Variants in MLH3 observed in about 807,000 individuals in gnomAD.
MLH3 encodes mutL homolog 3.
In MLH3, 82 loss-of-function variants were observed where a neutral mutation model predicts 122.2. The observed-to-expected ratio is 0.67, with a 90% CI of 0.56 to 0.81. The LOEUF (loss-of-function observed/expected upper bound fraction) is 0.81, where lower values mean the gene tolerates loss of function less well. Ranked by LOEUF, MLH3 falls within the 30% of genes least tolerant of loss-of-function variation. The probability of loss-of-function intolerance (pLI) is 0.00; values close to 1 mark genes in which losing one functional copy is unlikely to be tolerated. For missense variants in MLH3, 1,539 were observed against 1,714.5 expected (o/e 0.90, Z 1.81); for synonymous variants, 524 against 599.5 (o/e 0.87, Z 1.84).
At chr14:75,046,179 CA>C (rs138141680) in intron 2 of MLH3, among the ~76,000 whole-genome samples, 196 bp downstream of exon 2, 2,396 of 53,788 alleles carry the variant, frequency 0.045, 19 homozygotes, top group African/African-American at 0.08. Flanking sequence ...GACTCCGTCT[CA>C]AAAAAAAAAA....
intron 9 of MLH3, among the ~76,000 whole-genome samples, chr14:75,024,633 A>T (rs899045278): frequency 6.6e-6 from 1 of 152,232 alleles, no homozygotes; most frequent in Non-Finnish European, 1.5e-5. Flanking sequence ...TTATAGAAGG[A>T]TGTATTAATG....
In MLH3 at chr14:75,048,923, A is replaced by G; in HGVS notation, c.733T>C (p.Tyr245His). 1 of 1,613,400 alleles carries G rather than the reference A, an allele frequency of 6.2e-7. No individual in the cohort carries two copies. Reference protein sequence around the residue: ...LSGYISSEAHYNKNMQFLFVN... With the variant: ...LSGYISSEAHHNKNMQFLFVN... ...AACAAAAACTGCATATTCTTGTTGTAATGTGCTTCAGAGCTGATATAGCCA... is the reference window on the plus strand; with the variant it reads ...AACAAAAACTGCATATTCTTGTTGTGATGTGCTTCAGAGCTGATATAGCCA... The change falls in exon 2 of 13, where the codon TAC (tyrosine) becomes CAC (histidine). Residue 245 changes from tyrosine to histidine, a missense_variant. Coordinates refer to ENST00000355774, the MANE Select transcript of MLH3 (RefSeq NM_001040108.2).
rs28756984 is a variant in MLH3 at position 75,047,857 on chromosome 14, C to T, written c.1799G>A (p.Arg600Gln). ...AAAGCCAGTGGAACATAATTTAACT[C>T]GCCCATAACTAAAAACATTTCTTCT... ...CGRRNVFSYGRVKLCSTGFIT... is the reference protein window; with the variant it reads ...CGRRNVFSYGQVKLCSTGFIT... Residue 600 changes from arginine to glutamine, a missense_variant, in exon 2 of 13, where the codon CGA (arginine) becomes CAA (glutamine). Transcript: ENST00000355774. The T allele has an allele frequency of 2.8e-4, 457 of 1,612,758 alleles. 1 individual carries two copies. In the African/African-American group the frequency reaches 5.3e-3, roughly 19 times the overall value.
rs1196955965 is a variant in MLH3 at position 75,014,773 on chromosome 14, C to G, written c.*2309G>C. On this transcript the variant is annotated 3_prime_UTR_variant, in exon 13 of 13. Transcript: ENST00000355774. ...CCAGAATCTAATAAAGGTGAATCACCAAGTTTATAAATGAATGAATTCCTA... is the reference window on the plus strand; with the variant it reads ...CCAGAATCTAATAAAGGTGAATCACGAAGTTTATAAATGAATGAATTCCTA... The G allele has an allele frequency of 1.0e-5, 2 of 190,628 alleles. No homozygotes were observed. The highest frequency in any genetic ancestry group is 1.7e-4 in the East Asian group (2 of 12,046). 11.8% of individuals were successfully genotyped at this position (190,628 alleles called of 1,614,324 possible).
At chr14:75,024,377 C>A (rs972020309) in intron 9 of MLH3, among the ~76,000 whole-genome samples, 12 of 152,132 alleles carry the variant, frequency 7.9e-5, no homozygotes. Context: ...AATTTTGTAT[C>A]TTTAGTAGAG....
At chr14:75,051,118 G>A (rs1330363713) in intron 1 of MLH3, 1 of 152,294 alleles carries the variant, frequency 6.6e-6, no homozygotes, top group Non-Finnish European at 1.5e-5. Context: ...GGGACGCACG[G>A]GCCTGGATCC....
chr14:75,024,626 T>C (rs1025979042), intron 9 of MLH3, among the ~76,000 whole-genome samples: 6 of 152,220 alleles, frequency 3.9e-5, no homozygotes, highest in African/African-American at 7.2e-5. Context: ...TAGAGCTTTA[T>C]AGAAGGATGT....
intron 5 of MLH3, among the ~76,000 whole-genome samples, chr14:75,039,220 T>C (rs867808559): frequency 5.3e-5 from 8 of 152,174 alleles, no homozygotes; most frequent in African/African-American, 1.9e-4. Context: ...GGTTCCTCTC[T>C]GTCTAGGTAC....
rs144875666 is a variant in MLH3, at chr14:75,038,382, C to T, written c.3601G>A (p.Ala1201Thr). ...TCAGTCTTAGTGCTCATCAAACAGGCAATAAACTTGTTATCTACTTGCTGG... is the reference window on the plus strand; with the variant it reads ...TCAGTCTTAGTGCTCATCAAACAGGTAATAAACTTGTTATCTACTTGCTGG... ...VLQQVDNKFI[A>T]CLMSTKTEEN... Residue 1201 changes from alanine (A) to threonine (T), a missense_variant, in exon 6 of 13, where the codon GCC becomes ACC. Physicochemically the swap from Ala to Thr is moderately conservative, Grantham distance 58. Coordinates refer to ENST00000355774, the MANE Select transcript of MLH3 (RefSeq NM_001040108.2). 22 of 1,613,768 alleles carry T rather than the reference C, an allele frequency of 1.4e-5. No homozygotes were observed. Among genetic ancestry groups the T allele is most frequent in the Non-Finnish European group, 1.9e-5 (22 of 1,179,760 alleles).
At chr14:75,026,016 C>T (rs1175522280) in intron 9 of MLH3, among the ~76,000 whole-genome samples, 1 of 152,196 alleles carries the variant, frequency 6.6e-6, no homozygotes, top group African/African-American at 2.4e-5. Flanking sequence ...TCTCTACTCC[C>T]TCTGCTACTG....
chr14:75,047,634 A>AT lies in MLH3; in HGVS notation c.2021dup (p.Asn674LysfsTer13), dbSNP rs767782578. 13 of 1,613,412 alleles carry AT rather than the reference A, an allele frequency of 8.1e-6. No individual in the cohort carries two copies. Among genetic ancestry groups the AT allele is most frequent in the African/African-American group, 5.3e-5 (4 of 74,806 alleles). On this transcript the variant is annotated frameshift_variant, in exon 2 of 13. Coordinates refer to ENST00000355774, the MANE Select transcript of MLH3 (RefSeq NM_001040108.2). LOFTEE classifies it high-confidence loss of function. ...GCCCATAACTTATATTCGTTCTGCAATTTTTTTTGTTGGGCAATTGACCAG... is the reference window on the plus strand; with the variant it reads ...GCCCATAACTTATATTCGTTCTGCAATTTTTTTTTGTTGGGCAATTGACCAG...
In MLH3 at chr14:75,032,050, T is replaced by A; in HGVS notation, c.3827+18A>T. 3 of 1,369,844 alleles carry A rather than the reference T, an allele frequency of 2.2e-6. No individual in the cohort carries two copies. Among genetic ancestry groups the A allele is most frequent in the Non-Finnish European group, 3.1e-6 (3 of 956,952 alleles). The allele number at this position is 1,369,844 out of a possible 1,614,324, so 84.9% of individuals were successfully genotyped here. On this transcript the variant is annotated intron_variant, in intron 8 of 12. Coordinates refer to ENST00000355774, the MANE Select transcript of MLH3 (RefSeq NM_001040108.2). ...AGAATTGATACCATCAACATCACAT[T>A]CTCATGGTGGTACTGACCATAAGAG...
intron 2 of MLH3, among the ~76,000 whole-genome samples, chr14:75,043,650 T>C (rs1464919785): frequency 3.9e-5 from 6 of 152,164 alleles, no homozygotes; most frequent in Non-Finnish European, 2.9e-5. Flanking sequence ...AGGTTAAGAA[T>C]GATAAAATTA....
chr14:75,025,382 C>T (rs1165370579), intron 9 of MLH3, among the ~76,000 whole-genome samples: 2 of 152,240 alleles, frequency 1.3e-5, no homozygotes, highest in African/African-American at 2.4e-5. Flanking sequence ...GCGTTTCAGG[C>T]TCTACTTCAT....
At chr14:75,033,240 A>C (rs1891170054) in intron 7 of MLH3, among the ~76,000 whole-genome samples, 179 bp downstream of exon 7, 1 of 152,228 alleles carries the variant, frequency 6.6e-6, no homozygotes, top group Non-Finnish European at 1.5e-5. Flanking sequence ...TCTTTCAATT[A>C]GTGAACTACC....
At chr14:75,030,376 TCTTC>T (rs2139382795) in intron 9 of MLH3, among the ~76,000 whole-genome samples, 163 bp downstream of exon 9, 1 of 152,322 alleles carries the variant, frequency 6.6e-6, no homozygotes, top group East Asian at 1.9e-4. Context: ...TAAATGCCCT[TCTTC>T]CTTATTTTGA....
rs969308140 is a variant in MLH3 at position 75,016,281 on chromosome 14, T to C, written c.*801A>G. 27 of 201,578 alleles carry C rather than the reference T, an allele frequency of 1.3e-4. No individual in the cohort carries two copies. The Admixed American group carries it at 1.5e-3, about 11-fold the overall frequency. 12.5% of individuals were successfully genotyped at this position (201,578 alleles called of 1,614,324 possible). A position where few individuals can be genotyped will look rare whatever the true frequency, so the allele number is the denominator to read the frequency against. On this transcript the variant is annotated 3_prime_UTR_variant, in exon 13 of 13. Coordinates refer to ENST00000355774, the MANE Select transcript of MLH3 (RefSeq NM_001040108.2). ...GGTTGAACGTATGTATGCTGTGTTTTGATATGACAATTGCTTTCACATAAA... is the reference window on the plus strand; with the variant it reads ...GGTTGAACGTATGTATGCTGTGTTTCGATATGACAATTGCTTTCACATAAA...
At chr14:75,044,123 C>T (rs1229863831) in intron 2 of MLH3, among the ~76,000 whole-genome samples, 1 of 152,092 alleles carries the variant, frequency 6.6e-6, no homozygotes. Flanking sequence ...CAATTTATTT[C>T]ATGTAACACT....
intron 5 of MLH3, 114 bp downstream of exon 5, chr14:75,039,797 C>A: frequency 6.5e-6 from 2 of 306,742 alleles, no homozygotes; most frequent in Non-Finnish European, 5.6e-6. Context: ...CGTGCCTTGA[C>A]CAAGGTGGTC....
Sources: gnomAD v4.1 joint callset for allele counts (sites outside exome capture counted in the v4.1 genomes callset) on GRCh38, gnomAD v4.1.1 for gene constraint, MANE v1.5 for transcripts, NCBI Gene and HGNC (gene_info 2026-07-23, HGNC 2026-07-21) for gene names.